Variants in FRY observed in about 807,000 individuals in gnomAD.
The protein encoded by FRY is protein furry homolog.
FRY carries 128 observed loss-of-function variants against 348.4 expected under a neutral mutation model. That is an observed-to-expected ratio of 0.37 (90% confidence interval 0.32 to 0.43). The LOEUF is 0.43. FRY is among the 20% of genes least tolerant of loss of function. FRY has a pLI of 1.00. For synonymous variants in FRY, 1,370 were observed against 1,374.7 expected (o/e 1.00, Z 0.08); for missense variants, 2,736 against 3,695.2 (o/e 0.74, Z 6.73).
chr13:32,184,726 C>A, intron 25 of FRY, 35 bp downstream of exon 25: 1 of 1,195,374 alleles, frequency 8.4e-7, no homozygotes, highest in Non-Finnish European at 1.3e-6. Context: ...GCTCTCTTCT[C>A]ACCAGACTGA....
chr13:32,160,179 A>G (rs1881360274), intron 16 of FRY, among the ~76,000 whole-genome samples: 1 of 152,222 alleles, frequency 6.6e-6, no homozygotes, highest in African/African-American at 2.4e-5. Context: ...TTGCATTTCT[A>G]TTCTGACTAC....
chr13:32,095,565 G>T (rs1035372566), intron 2 of FRY, among the ~76,000 whole-genome samples: 2 of 151,972 alleles, frequency 1.3e-5, no homozygotes, highest in South Asian at 4.2e-4. Context: ...GCCTGGTCTC[G>T]AACTCCTGAC....
At chr13:32,133,545 A>T (rs1159409190) in intron 8 of FRY, among the ~76,000 whole-genome samples, 3 of 152,190 alleles carry the variant, frequency 2.0e-5, no homozygotes, top group African/African-American at 7.2e-5. Flanking sequence ...TCTGGGAACT[A>T]TAGAGCTCAT....
intron 3 of FRY, among the ~76,000 whole-genome samples, chr13:32,106,468 TAAAGTAA>T (rs1877558362): frequency 6.6e-6 from 1 of 152,172 alleles, no homozygotes; most frequent in South Asian, 2.1e-4. Flanking sequence ...AAATGGCAAA[TAAAGTAA>T]AATCTTCTTG....
intron 58 of FRY, among the ~76,000 whole-genome samples, chr13:32,284,894 A>G (rs1888972476): frequency 6.6e-6 from 1 of 152,196 alleles, no homozygotes; most frequent in South Asian, 2.1e-4. Flanking sequence ...CTGAGAACAG[A>G]AGAAAGAACC....
At chr13:32,090,272 C>G (rs577255324) in intron 2 of FRY, among the ~76,000 whole-genome samples, 46 of 142,424 alleles carry the variant, frequency 3.2e-4, no homozygotes, top group African/African-American at 1.0e-3. Flanking sequence ...GGCGTGAACC[C>G]GGAAGTCGGA....
At chr13:32,048,037 TG>T (rs1364061105) in intron 1 of FRY, among the ~76,000 whole-genome samples, 1 of 152,178 alleles carries the variant, frequency 6.6e-6, no homozygotes, top group African/African-American at 2.4e-5. Context: ...GTAGCAACAG[TG>T]GCATTCTGTA....
intron 47 of FRY, among the ~76,000 whole-genome samples, chr13:32,244,653 A>G (rs978335372): frequency 1.3e-5 from 2 of 152,252 alleles, no homozygotes; most frequent in African/African-American, 4.8e-5. Flanking sequence ...ATACTTGAAA[A>G]TACTGCAACA....
At chr13:32,242,500 T>C (rs1034463300) in intron 46 of FRY, among the ~76,000 whole-genome samples, 7 of 152,204 alleles carry the variant, frequency 4.6e-5, no homozygotes, top group Non-Finnish European at 1.0e-4. Flanking sequence ...TTCCACATTA[T>C]AGATTTACAT....
At chr13:32,171,977 GATAGGAT>G (rs1882111154) in intron 18 of FRY, among the ~76,000 whole-genome samples, 3 of 152,054 alleles carry the variant, frequency 2.0e-5, no homozygotes, top group South Asian at 2.1e-4. Flanking sequence ...TGTGGATGTA[GATAGGAT>G]GTGGATGTGG....
chr13:32,186,457 T>C, intron 27 of FRY, 37 bp downstream of exon 27: 1 of 1,304,514 alleles, frequency 7.7e-7, no homozygotes, highest in Non-Finnish European at 1.1e-6. Flanking sequence ...CTGAGTCAGA[T>C]GGATGGTCTC....
Position 32,246,376 on chromosome 13 carries a change from C to T in FRY, c.6829-947C>T, listed in dbSNP as rs9590857. Among the ~76,000 whole-genome samples the T allele has an allele frequency of 2.3e-3, 349 of 152,178 alleles. 1 individual carries two copies. The highest frequency in any genetic ancestry group is 8.0e-3 in the African/African-American group (333 of 41,500). ...GTCTGATTGGAGGTTGTCAGAGAAA[C>T]GAAGATGGTAAAACTGAGTCTTAAA... On this transcript the variant is annotated intron_variant, in intron 47 of 60. Coordinates refer to ENST00000542859, the MANE Select transcript of FRY (RefSeq NM_023037.3).
At chr13:32,250,488 C>A (rs1271238654) in intron 49 of FRY, among the ~76,000 whole-genome samples, 1 of 152,138 alleles carries the variant, frequency 6.6e-6, no homozygotes, top group Non-Finnish European at 1.5e-5. Flanking sequence ...CAGGGTTTTT[C>A]TATGGGAGGC....
In FRY at chr13:32,248,749, C is replaced by A. The variant is rs141442341; in HGVS notation, c.7009-777C>A. On this transcript the variant is annotated intron_variant, in intron 48 of 60. Coordinates refer to ENST00000542859, the MANE Select transcript of FRY (RefSeq NM_023037.3). ...TCAATTTAATCTTGGTCCATTTTCA[C>A]ATTTTTTTTAACCTGGCTAGGGGGA... Among the ~76,000 whole-genome samples the A allele has an allele frequency of 3.5e-3, 527 of 152,258 alleles. 4 individuals carry two copies. Among genetic ancestry groups the A allele is most frequent in the African/African-American group, 0.012 (504 of 41,552 alleles).
Position 32,295,543 on chromosome 13 carries a change from CA to C in FRY, c.*87del. ...CGTCATTCAGTGTCTTCTCGGCCTT[CA>C]AAAGGCTTGGACAGACTGTTCTCCC... On this transcript the variant is annotated 3_prime_UTR_variant, in exon 61 of 61. Transcript: ENST00000542859. The C allele has an allele frequency of 7.4e-7, 1 of 1,348,818 alleles. No homozygotes were observed. Among genetic ancestry groups the C allele is most frequent in the South Asian group, 1.2e-5 (1 of 85,662 alleles). 83.6% of individuals were successfully genotyped at this position (1,348,818 alleles called of 1,614,324 possible).
intron 40 of FRY, among the ~76,000 whole-genome samples, chr13:32,230,868 G>A (rs1322383898): frequency 1.3e-5 from 2 of 152,140 alleles, no homozygotes; most frequent in Non-Finnish European, 2.9e-5. Flanking sequence ...GTGTGAGATG[G>A]TATCTCACTG....
intron 11 of FRY, among the ~76,000 whole-genome samples, chr13:32,146,249 C>T (rs1243258310): frequency 2.0e-5 from 3 of 151,850 alleles, no homozygotes; most frequent in East Asian, 1.9e-4. Flanking sequence ...AGCATAGTAG[C>T]TCAAATGTGT....
At chr13:32,185,243 T>G (rs1215730445) in intron 26 of FRY, 95 bp downstream of exon 26, 8 of 1,053,722 alleles carry the variant, frequency 7.6e-6, no homozygotes, top group South Asian at 2.5e-5. Flanking sequence ...TACTGGCCTT[T>G]ATGCAGGTCT....
At chr13:32,086,551 C>T (rs929874408) in intron 2 of FRY, among the ~76,000 whole-genome samples, 2 of 152,282 alleles carry the variant, frequency 1.3e-5, no homozygotes, top group East Asian at 3.9e-4. Context: ...CTTCCAGGAG[C>T]TGCAGTGGAA....
Sources: allele counts gnomAD v4.1 joint callset (sites outside exome capture counted in the v4.1 genomes callset), GRCh38; gene constraint gnomAD v4.1.1; transcripts MANE v1.5; gene names NCBI Gene and HGNC (gene_info 2026-07-23, HGNC 2026-07-21).